The following ATP10B variants were observed in gnomAD, a reference collection of about 807,000 sequenced individuals.
The protein encoded by ATP10B is phospholipid-transporting ATPase VB.
A neutral mutation model predicts 141.2 loss-of-function variants in ATP10B; 122 were observed. That is an observed-to-expected ratio of 0.86 (90% CI 0.75 to 1.00). The LOEUF (loss-of-function observed/expected upper bound fraction) is 1.00, where lower values mean the gene tolerates loss of function less well. Ranked by LOEUF, ATP10B falls within the 50% of genes least tolerant of loss-of-function variation. The probability of loss-of-function intolerance (pLI) is 0.00; values close to 1 mark genes in which losing one functional copy is unlikely to be tolerated. For synonymous variants in ATP10B, 685 were observed against 692.0 expected (o/e 0.99, Z 0.16); for missense variants, 1,876 against 1,825.3 (o/e 1.03, Z -0.51).
At chr5:160,581,572 T>C (rs1331624841) in intron 24 of ATP10B, among the ~76,000 whole-genome samples, 1 of 152,216 alleles carries the variant, frequency 6.6e-6, no homozygotes, top group African/African-American at 2.4e-5. Flanking sequence ...CTTCCAATTA[T>C]GTGGTCAATT....
chr5:160,862,054 C>T, the ATP10B span, among the ~76,000 whole-genome samples: 1 of 151,856 alleles, frequency 6.6e-6, no homozygotes, highest in Non-Finnish European at 1.5e-5. Flanking sequence ...GAAGAAATAT[C>T]CAGCCTCATA....
chr5:160,857,021 T>C (rs1274115943), upstream of ATP10B, among the ~76,000 whole-genome samples: 2 of 151,814 alleles, frequency 1.3e-5, no homozygotes, highest in African/African-American at 2.4e-5. Context: ...GGGTCTATAA[T>C]TTTTTATACT....
chr5:160,879,437 G>A, the ATP10B span, among the ~76,000 whole-genome samples: 1 of 135,010 alleles, frequency 7.4e-6, no homozygotes, highest in South Asian at 2.7e-4. Context: ...CCTAATGCTA[G>A]ATGACGAGTT....
intron 6 of ATP10B, chr5:160,685,203 C>T: frequency 3.3e-6 from 2 of 604,030 alleles, no homozygotes; most frequent in Non-Finnish European, 5.9e-6. Flanking sequence ...TCCACCTTTT[C>T]CTCCCTTCCT....
chr5:160,926,462 C>T, the ATP10B span, among the ~76,000 whole-genome samples: 6 of 152,066 alleles, frequency 3.9e-5, no homozygotes, highest in East Asian at 5.8e-4. Context: ...TGAAGACTAG[C>T]GCAGGGAAAT....
chr5:160,868,521 TACACACACACACACACACACACACACAC>T, the ATP10B span, among the ~76,000 whole-genome samples: 1 of 130,322 alleles, frequency 7.7e-6, no homozygotes, highest in Non-Finnish European at 1.6e-5. Flanking sequence ...TATGAACAGA[TACACACACACACACACACACACACACAC>T]ACACACACAC....
chr5:160,577,632 T>C (rs1441378929), intron 24 of ATP10B, among the ~76,000 whole-genome samples: 1 of 152,186 alleles, frequency 6.6e-6, no homozygotes, highest in Non-Finnish European at 1.5e-5. Context: ...AGTATTTTTA[T>C]AGACATTGAG....
At chr5:160,915,052 A>G in the ATP10B span, among the ~76,000 whole-genome samples, 11 of 152,232 alleles carry the variant, frequency 7.2e-5, no homozygotes, top group Admixed American at 1.3e-4. Context: ...TAGTAAAGGA[A>G]GTACCCTGAA....
chr5:160,574,637 T>G (rs567116327), intron 24 of ATP10B, among the ~76,000 whole-genome samples: 13 of 152,272 alleles, frequency 8.5e-5, no homozygotes, highest in Non-Finnish European at 1.8e-4. Flanking sequence ...AGGAGGGGCC[T>G]TTTGGAAGTG....
chr5:160,891,848 G>A, the ATP10B span, among the ~76,000 whole-genome samples: 1 of 152,198 alleles, frequency 6.6e-6, no homozygotes, highest in Admixed American at 6.5e-5. Context: ...TATTTTTGAA[G>A]TTTTGTAAAT....
At chr5:160,671,304 AAGG>A (rs1410361851) in intron 6 of ATP10B, among the ~76,000 whole-genome samples, 16 of 152,188 alleles carry the variant, frequency 1.1e-4, no homozygotes, top group Admixed American at 9.2e-4. Flanking sequence ...AAAAATTTTA[AAGG>A]AGAAGGTAAC....
chr5:160,847,874 C>G (rs898894067), intron 1 of ATP10B, among the ~76,000 whole-genome samples: 11 of 152,094 alleles, frequency 7.2e-5, no homozygotes, highest in Non-Finnish European at 4.4e-5. Flanking sequence ...GTCGGTATTG[C>G]TTTAAGTTTG....
chr5:160,730,976 T>C (rs1169719955), intron 2 of ATP10B, among the ~76,000 whole-genome samples: 4 of 152,144 alleles, frequency 2.6e-5, no homozygotes, highest in East Asian at 1.9e-4. Context: ...GGTTCAGCCA[T>C]TCTCTGGGTT....
chr5:160,701,917 C>T lies in ATP10B; in HGVS notation c.-204-12974G>A, dbSNP rs559986362. ...GTCATCATTCTATTCCAATGCCTCC[C>T]GGGAGCAGTCACCCCTCTCCCGAGG... On this transcript the variant is annotated intron_variant, in intron 3 of 25. Coordinates refer to ENST00000327245, the MANE Select transcript of ATP10B (RefSeq NM_025153.3). Among the ~76,000 whole-genome samples the T allele has an allele frequency of 2.5e-3, 373 of 149,916 alleles. 1 individual carries two copies. Among genetic ancestry groups the T allele is most frequent in the Non-Finnish European group, 4.3e-3 (289 of 67,312 alleles).
rs780798061 is a variant in ATP10B, at chr5:160,606,796, T to G, written c.3129A>C (p.Arg1043=). 25 of 1,614,026 alleles carry G rather than the reference T, an allele frequency of 1.5e-5. No individual in the cohort carries two copies. Among genetic ancestry groups the G allele is most frequent in the Non-Finnish European group, 2.0e-5 (24 of 1,179,898 alleles). The change falls in exon 19 of 26, where the codon CGA becomes CGC. Residue 1043 remains arginine, a synonymous_variant. Coordinates refer to ENST00000327245, the MANE Select transcript of ATP10B (RefSeq NM_025153.3). ...AAAGGGTCATGACGCGCAACTTGTC[T>G]CGCACCAGCTTGACTATCATACTCT... The part of the protein sequence containing the change: ...LQKSMIVKLV[R]DKLRVMTLSI...
At chr5:160,707,265 CT>C (rs1198502820) in intron 3 of ATP10B, among the ~76,000 whole-genome samples, 1 of 152,190 alleles carries the variant, frequency 6.6e-6, no homozygotes, top group Non-Finnish European at 1.5e-5. Flanking sequence ...TTATTCTCAT[CT>C]GAAACAATAC....
intron 1 of ATP10B, among the ~76,000 whole-genome samples, chr5:160,839,480 G>A (rs1226863257): frequency 1.3e-5 from 2 of 151,892 alleles, no homozygotes; most frequent in African/African-American, 2.4e-5. Context: ...AAAGTCAAGG[G>A]TACCACAAAG....
chr5:160,589,493 G>A (rs1561630729), intron 24 of ATP10B, 99 bp downstream of exon 24: 1 of 901,488 alleles, frequency 1.1e-6, no homozygotes, highest in Non-Finnish European at 1.8e-6. Flanking sequence ...TGTATTTATT[G>A]AGTGGATTGA....
chr5:160,815,474 C>A (rs1048062506), intron 1 of ATP10B, among the ~76,000 whole-genome samples: 1 of 152,160 alleles, frequency 6.6e-6, no homozygotes, highest in Non-Finnish European at 1.5e-5. Flanking sequence ...TACAGGAGCA[C>A]CCAGATTCAT....
Sources: gnomAD v4.1 joint callset for allele counts (sites outside exome capture counted in the v4.1 genomes callset) on GRCh38, gnomAD v4.1.1 for gene constraint, MANE v1.5 for transcripts, NCBI Gene and HGNC (gene_info 2026-07-23, HGNC 2026-07-21) for gene names.